OTUD7A: variants seen among roughly 807,000 people sequenced by gnomAD.
OTUD7A encodes the protein OTU domain-containing protein 7A.
A neutral mutation model predicts 65.7 loss-of-function variants in OTUD7A; 12 were observed. The ratio of observed to expected loss-of-function variants is 0.18; its 90% confidence interval spans 0.12 to 0.30. OTUD7A has a LOEUF of 0.30. OTUD7A is among the 10% of genes least tolerant of loss of function. The pLI, the probability that OTUD7A is intolerant of heterozygous loss-of-function variation, is 1.00. For synonymous variants in OTUD7A, 641 were observed against 586.3 expected (o/e 1.09, Z -1.35); for missense variants, 1,148 against 1,304.8 (o/e 0.88, Z 1.85).
chr15:31,647,836 T>G (rs1334418302), intron 3 of OTUD7A, among the ~76,000 whole-genome samples: 2 of 151,856 alleles, frequency 1.3e-5, no homozygotes, highest in Admixed American at 6.6e-5. Flanking sequence ...GAGTTCATGA[T>G]CCATCGTGGA....
At chr15:31,748,475 A>T (rs1894540167) in intron 1 of OTUD7A, among the ~76,000 whole-genome samples, 1 of 151,674 alleles carries the variant, frequency 6.6e-6, no homozygotes, top group African/African-American at 2.4e-5. Flanking sequence ...ATATATATAG[A>T]TAGAGCAAAT....
chr15:31,859,815 G>C (rs573784562), intron 1 of OTUD7A, among the ~76,000 whole-genome samples: 6 of 152,296 alleles, frequency 3.9e-5, no homozygotes, highest in African/African-American at 1.4e-4. Flanking sequence ...GTTTCAATAG[G>C]AAGTGGAGGA....
In OTUD7A at chr15:31,752,509, T is replaced by C. The variant is rs186789554; in HGVS notation, c.-99-95432A>G. On this transcript the variant is annotated intron_variant, in intron 1 of 12. Transcript: ENST00000307050. ...TGTACTCTGTTACTCTAAAATCCATTGGTCTAGCTTACACTTCAAATGAAT... is the reference window on the plus strand; with the variant it reads ...TGTACTCTGTTACTCTAAAATCCATCGGTCTAGCTTACACTTCAAATGAAT... Among the ~76,000 whole-genome samples, 5 of 152,294 alleles carry C rather than the reference T, an allele frequency of 3.3e-5. No individual in the cohort carries two copies. The East Asian group carries it at 9.6e-4, about 29-fold the overall frequency.
chr15:31,586,202 A>G (rs138909493), intron 3 of OTUD7A, among the ~76,000 whole-genome samples: 168 of 152,354 alleles, frequency 1.1e-3, no homozygotes, highest in African/African-American at 3.8e-3. Flanking sequence ...CAGGCAGAAC[A>G]TAAAGACTCT....
At chr15:31,531,068 C>T (rs904996429) in intron 5 of OTUD7A, among the ~76,000 whole-genome samples, 5 of 152,164 alleles carry the variant, frequency 3.3e-5, no homozygotes, top group African/African-American at 1.2e-4. Context: ...AATCTGGAAA[C>T]GTATTTTACA....
intron 3 of OTUD7A, among the ~76,000 whole-genome samples, chr15:31,590,672 C>G (rs1889696592): frequency 6.6e-6 from 1 of 152,194 alleles, no homozygotes; most frequent in Admixed American, 6.5e-5. Flanking sequence ...ATCTTATAAA[C>G]AAAGTGAATT....
At chr15:31,765,267 A>G (rs1201660329) in intron 1 of OTUD7A, among the ~76,000 whole-genome samples, 1 of 152,118 alleles carries the variant, frequency 6.6e-6, no homozygotes, top group Non-Finnish European at 1.5e-5. Context: ...GTGGAAAAAG[A>G]ATATATAGAA....
At chr15:31,713,519 T>C (rs1893503380) in intron 1 of OTUD7A, among the ~76,000 whole-genome samples, 1 of 152,172 alleles carries the variant, frequency 6.6e-6, no homozygotes, top group Non-Finnish European at 1.5e-5. Flanking sequence ...CTCGGGAGGC[T>C]GAGGCAGAAG....
chr15:31,863,248 T>C (rs1440773031), intron 1 of OTUD7A, among the ~76,000 whole-genome samples: 23 of 152,188 alleles, frequency 1.5e-4, no homozygotes, highest in Non-Finnish European at 2.9e-5. Flanking sequence ...GTGCAAAGTG[T>C]TGGTGGATCT....
intron 3 of OTUD7A, among the ~76,000 whole-genome samples, chr15:31,609,412 T>C (rs1233655812): frequency 6.6e-6 from 1 of 152,124 alleles, no homozygotes; most frequent in East Asian, 1.9e-4. Context: ...CCCTTCAGAT[T>C]GTGTGGGAGC....
intron 3 of OTUD7A, among the ~76,000 whole-genome samples, chr15:31,625,532 G>A (rs1890926251): frequency 6.6e-6 from 1 of 152,042 alleles, no homozygotes. Flanking sequence ...CTCGTATGTT[G>A]TTACAGTGGG....
chr15:31,527,925 C>T (rs1033682765), intron 6 of OTUD7A, among the ~76,000 whole-genome samples: 1 of 152,250 alleles, frequency 6.6e-6, no homozygotes, highest in African/African-American at 2.4e-5. Context: ...GTGCTCTGGG[C>T]AGCTTAGATG....
At chr15:31,808,773 G>A (rs1896346138) in intron 1 of OTUD7A, among the ~76,000 whole-genome samples, 1 of 152,224 alleles carries the variant, frequency 6.6e-6, no homozygotes, top group African/African-American at 2.4e-5. Context: ...CCTCCCCTGA[G>A]CCTCACATCT....
At chr15:31,767,621 TAG>T in intron 1 of OTUD7A, 2 of 788,162 alleles carry the variant, frequency 2.5e-6, no homozygotes, top group Non-Finnish European at 2.3e-6. Context: ...AGTTTGCAGG[TAG>T]ATCAGAATAA....
chr15:31,592,874 T>A (rs1889771258), intron 3 of OTUD7A, among the ~76,000 whole-genome samples: 1 of 25,736 alleles, frequency 3.9e-5, no homozygotes, highest in African/African-American at 1.7e-4. Flanking sequence ...AGCAAGGCTC[T>A]GTCTCAAAAA....
In OTUD7A at chr15:31,559,534, A is replaced by G. The variant is rs190883697; in HGVS notation, c.332-347T>C. On this transcript the variant is annotated intron_variant, in intron 4 of 12. Coordinates refer to ENST00000307050, the MANE Select transcript of OTUD7A (RefSeq NM_001382637.1). ...AATGCTCACACATGAATACGAAAGCATACACAGGATCATATGCATGCACAC... is the reference window on the plus strand; with the variant it reads ...AATGCTCACACATGAATACGAAAGCGTACACAGGATCATATGCATGCACAC... Among the ~76,000 whole-genome samples, 6 of 152,284 alleles carry G rather than the reference A, an allele frequency of 3.9e-5. No homozygotes were observed. In the East Asian group the frequency reaches 1.2e-3, roughly 29 times the overall value.
chr15:31,483,306 C>T lies in OTUD7A; in HGVS notation c.2790G>A (p.Gly930=). 8.4e-7 allele frequency: 1 copy of T among 1,185,240 alleles called. No homozygotes were observed. The highest frequency in any genetic ancestry group is 1.0e-6 in the Non-Finnish European group (1 of 956,298). 73.4% of individuals were successfully genotyped at this position (1,185,240 alleles called of 1,614,324 possible). The change falls in exon 13 of 13, where the codon GGG becomes GGA. Residue 930 remains glycine, a synonymous_variant. Coordinates refer to ENST00000307050, the MANE Select transcript of OTUD7A (RefSeq NM_001382637.1). ...EELRRRREAR[G]ARP ...CGCGCCGCGCCGCTCAGGGCCGGGC[C>T]CCGCGCGCCTCGCGCCGCCGCCGCA...
At chr15:31,784,909 A>G (rs1473597782) in intron 1 of OTUD7A, among the ~76,000 whole-genome samples, 8 of 152,182 alleles carry the variant, frequency 5.3e-5, no homozygotes. Context: ...GTGTGGAGGC[A>G]GAATGGGGAG....
intron 3 of OTUD7A, among the ~76,000 whole-genome samples, chr15:31,652,701 T>C (rs1243130017): frequency 1.3e-5 from 2 of 151,928 alleles, no homozygotes; most frequent in African/African-American, 4.8e-5. Flanking sequence ...AATAAAAAGA[T>C]GGAAAATAAA....
Sources: allele counts gnomAD v4.1 joint callset (sites outside exome capture counted in the v4.1 genomes callset), GRCh38; gene constraint gnomAD v4.1.1; transcripts MANE v1.5; gene names NCBI Gene and HGNC (gene_info 2026-07-23, HGNC 2026-07-21).